Variants in TNFRSF8 observed in about 807,000 individuals in gnomAD.
TNFRSF8 encodes the protein tumor necrosis factor receptor superfamily member 8.
Under a neutral mutation model 70.8 loss-of-function variants are expected in TNFRSF8, and 26 were observed. The ratio of observed to expected loss-of-function variants is 0.37; its 90% CI spans 0.27 to 0.51. TNFRSF8 has a LOEUF of 0.51. TNFRSF8 is among the 20% of genes least tolerant of loss of function. The pLI, the probability that TNFRSF8 is intolerant of heterozygous loss-of-function variation, is 0.94. For missense variants in TNFRSF8, 720 were observed against 807.9 expected, an observed-to-expected ratio of 0.89 and a Z score of 1.32; for synonymous variants, 356 against 339.2, an observed-to-expected ratio of 1.05 and a Z score of -0.54.
At chr1:12,133,738 CAAAAA>C (rs34040378) in intron 12 of TNFRSF8, among the ~76,000 whole-genome samples, 17 of 90,968 alleles carry the variant, frequency 1.9e-4, no homozygotes, top group Admixed American at 3.7e-4. Flanking sequence ...GACTCCATCT[CAAAAA>C]AAAAAAAAAA....
intron 1 of TNFRSF8, among the ~76,000 whole-genome samples, chr1:12,075,259 T>TA (rs1640918880): frequency 6.6e-6 from 1 of 151,382 alleles, no homozygotes; most frequent in East Asian, 2.0e-4. Context: ...AAATTTTTTT[T>TA]TTTTTTTAAA....
intron 1 of TNFRSF8, among the ~76,000 whole-genome samples, chr1:12,083,460 G>A (rs375551605): frequency 1.1e-4 from 16 of 152,178 alleles, no homozygotes; most frequent in African/African-American, 2.7e-4. Context: ...AGGCCAAGGC[G>A]GGTGGATCAT....
intron 2 of TNFRSF8, among the ~76,000 whole-genome samples, chr1:12,093,240 C>T (rs543115979): frequency 1.3e-5 from 2 of 152,242 alleles, no homozygotes; most frequent in South Asian, 4.2e-4. Flanking sequence ...GGTTAGGACT[C>T]CAGCATATAT....
intron 3 of TNFRSF8, among the ~76,000 whole-genome samples, chr1:12,104,019 C>T (rs1641471148): frequency 6.6e-6 from 1 of 152,116 alleles, no homozygotes; most frequent in South Asian, 2.1e-4. Flanking sequence ...CTCGTTGGTT[C>T]ACCTCTCCCT....
Position 12,138,221 on chromosome 1 carries a change from T to C in TNFRSF8, c.1336-8T>C. 2 of 1,612,548 alleles carry C rather than the reference T, an allele frequency of 1.2e-6. No homozygotes were observed. The highest frequency in any genetic ancestry group is 1.7e-6 in the Non-Finnish European group (2 of 1,179,392). ...TACCCTGCAGCAGCACCCATTCCCG[T>C]CCCACAGCAGCTGAGGAGTGGTGCG... On this transcript the variant is annotated splice_region_variant and splice_polypyrimidine_tract_variant and intron_variant, in intron 13 of 14. Transcript: ENST00000263932. This position sits in a 1 kb window ranked among gnomAD's most constrained non-coding sequence, Gnocchi z 5.7.
chr1:12,087,609 T>C (rs1641177954), intron 2 of TNFRSF8, among the ~76,000 whole-genome samples: 1 of 152,166 alleles, frequency 6.6e-6, no homozygotes, highest in Non-Finnish European at 1.5e-5. Context: ...CACTCAGTTC[T>C]CTCAGGGCCC....
chr1:12,111,880 C>G lies in TNFRSF8; in HGVS notation c.677-18C>G, dbSNP rs766303410. ...GCCAAGGCGGCCTGGCCTGCAGCTT[C>G]TCTGCTTCTTTCCCCAGGTCTGTCC... is the stretch of plus-strand genomic sequence containing the variant. On this transcript the variant is annotated intron_variant, in intron 6 of 14. Transcript: ENST00000263932. The G allele has an allele frequency of 1.2e-6, 2 of 1,611,460 alleles. No homozygotes were observed. Among genetic ancestry groups the G allele is most frequent in the African/African-American group, 2.7e-5 (2 of 74,880 alleles).
intron 1 of TNFRSF8, among the ~76,000 whole-genome samples, chr1:12,068,421 G>A (rs1640779799): frequency 6.6e-6 from 1 of 152,126 alleles, no homozygotes; most frequent in South Asian, 2.1e-4. Context: ...TCGGGGTAGA[G>A]CCCACCACAG....
intron 1 of TNFRSF8, among the ~76,000 whole-genome samples, chr1:12,075,777 C>T (rs1248274917): frequency 3.3e-5 from 5 of 152,228 alleles, no homozygotes; most frequent in Non-Finnish European, 1.5e-5. Context: ...TTTAAATTCT[C>T]CTTGATTAAA....
At chr1:12,100,963 A>G (rs1410309079) in intron 3 of TNFRSF8, among the ~76,000 whole-genome samples, 1 of 151,936 alleles carries the variant, frequency 6.6e-6, no homozygotes, top group Admixed American at 6.6e-5. Flanking sequence ...TCTCAAAAAA[A>G]AAAAAAAAAG....
At chr1:12,068,921 G>T (rs375055243) in intron 1 of TNFRSF8, among the ~76,000 whole-genome samples, 5 of 151,640 alleles carry the variant, frequency 3.3e-5, no homozygotes, top group Admixed American at 1.3e-4. Flanking sequence ...ACCCAGGCTG[G>T]AGTGTAGTGG....
chr1:12,126,101 C>A (rs774498777), intron 11 of TNFRSF8, 49 bp downstream of exon 11: 1 of 1,611,504 alleles, frequency 6.2e-7, no homozygotes, highest in Non-Finnish European at 8.5e-7. Flanking sequence ...TTGCTCTCTG[C>A]CAGCCTGGCC....
chr1:12,067,896 G>C (rs973196987), intron 1 of TNFRSF8, among the ~76,000 whole-genome samples: 1 of 122,480 alleles, frequency 8.2e-6, no homozygotes, highest in Non-Finnish European at 1.7e-5. Flanking sequence ...CAAGGACGGC[G>C]GGGGGGCGGG....
chr1:12,064,524 A>T (rs536728058), intron 1 of TNFRSF8, among the ~76,000 whole-genome samples: 1 of 152,132 alleles, frequency 6.6e-6, no homozygotes, highest in South Asian at 2.1e-4. Flanking sequence ...TGAATGATAC[A>T]GAGGGAAAGG....
At chr1:12,097,905 G>A (rs1641358514) in intron 3 of TNFRSF8, among the ~76,000 whole-genome samples, 2 of 152,132 alleles carry the variant, frequency 1.3e-5, no homozygotes, top group African/African-American at 4.8e-5. Context: ...AGTTAAGCTT[G>A]TTAATTGTGT....
intron 2 of TNFRSF8, among the ~76,000 whole-genome samples, chr1:12,085,972 G>A (rs527302041): frequency 6.6e-6 from 1 of 152,342 alleles, no homozygotes; most frequent in South Asian, 2.1e-4. Flanking sequence ...GGGAGTCTGT[G>A]TGTGTCTGGT....
rs1195528699 is a variant in TNFRSF8 at position 12,063,551 on chromosome 1, T to G, written c.-48T>G. The G allele has an allele frequency of 7.7e-7, 1 of 1,297,596 alleles. No homozygotes were observed. Among genetic ancestry groups the G allele is most frequent in the African/African-American group, 1.5e-5 (1 of 64,700 alleles). The allele number at this position is 1,297,596 out of a possible 1,614,324, so 80.4% of individuals were successfully genotyped here. A position where few individuals can be genotyped will look rare whatever the true frequency, so the allele number is the denominator to read the frequency against. On this transcript the variant is annotated 5_prime_UTR_variant, in exon 1 of 15. Transcript: ENST00000263932. This position sits in a 1 kb window ranked among gnomAD's most constrained non-coding sequence, Gnocchi z 7.2. ...GTGGGCGCCGCGCGCTTCCCCCGCT[T>G]CCCAGGTGGGCGCCGGCCGCCAGGC... is the stretch of plus-strand genomic sequence containing the variant.
intron 3 of TNFRSF8, among the ~76,000 whole-genome samples, chr1:12,097,741 A>AT (rs1477859502): frequency 1.4e-4 from 20 of 143,272 alleles, no homozygotes; most frequent in East Asian, 8.2e-4. Context: ...TTTTGTGTGG[A>AT]TTTTTTTGGG....
chr1:12,074,526 C>T (rs187387484), intron 1 of TNFRSF8, among the ~76,000 whole-genome samples: 1,600 of 151,850 alleles, frequency 0.011, 90 homozygotes, highest in Admixed American at 0.09. Context: ...GTGATCCGCC[C>T]GCCTCGGCCT....
Sources: gnomAD v4.1 joint callset for allele counts (sites outside exome capture counted in the v4.1 genomes callset) on GRCh38, gnomAD v4.1.1 for gene constraint, Gnocchi (gnomAD v3.1) non-coding constraint, MANE v1.5 for transcripts, NCBI Gene and HGNC (gene_info 2026-07-23, HGNC 2026-07-21) for gene names.